Variants in EML2 observed in about 807,000 individuals in gnomAD.
The protein encoded by EML2 is echinoderm microtubule-associated protein-like 2.
A neutral mutation model predicts 84.7 loss-of-function variants in EML2; 59 were observed. The ratio of observed to expected loss-of-function variants is 0.70; its 90% CI spans 0.56 to 0.86. The LOEUF (loss-of-function observed/expected upper bound fraction) is 0.86. Ranked by LOEUF, EML2 falls within the 40% of genes least tolerant of loss-of-function variation. The pLI, the probability that EML2 is intolerant of heterozygous loss-of-function variation, is 0.00. For missense variants in EML2, 818 were observed against 855.6 expected, an observed-to-expected ratio of 0.96 and a Z score of 0.55; for synonymous variants, 352 against 348.9, an observed-to-expected ratio of 1.01 and a Z score of -0.10.
chr19:45,619,209 C>T lies in EML2; in HGVS notation c.1123-18G>A. 3.7e-6 allele frequency: 6 copies of T among 1,605,492 alleles called. No homozygotes were observed. The highest frequency in any genetic ancestry group is 5.1e-6 in the Non-Finnish European group (6 of 1,176,104). ...ACATGGCCCTGGTGGAAAGGGAGGACAGCAGGATGGAGACAGCAGCCCTGG... is the reference window on the plus strand; with the variant it reads ...ACATGGCCCTGGTGGAAAGGGAGGATAGCAGGATGGAGACAGCAGCCCTGG... On this transcript the variant is annotated intron_variant, in intron 11 of 18. Transcript: ENST00000245925.
At chr19:45,630,730 C>T (rs1972933741) in intron 6 of EML2, among the ~76,000 whole-genome samples, 1 of 152,148 alleles carries the variant, frequency 6.6e-6, no homozygotes, top group Admixed American at 6.6e-5. Flanking sequence ...CTGCAGCCAG[C>T]ACCCCTAGCC....
chr19:45,643,186 G>A (rs947709253), upstream of EML2, among the ~76,000 whole-genome samples: 6 of 152,092 alleles, frequency 3.9e-5, no homozygotes, highest in African/African-American at 1.4e-4. Context: ...CTGTTTCTAA[G>A]ACTTTCCAAG....
chr19:45,630,914 G>A (rs375588775), intron 6 of EML2, among the ~76,000 whole-genome samples: 2 of 152,256 alleles, frequency 1.3e-5, no homozygotes, highest in East Asian at 1.9e-4. Flanking sequence ...GAATGCAGTT[G>A]CATGATCTTG....
At chr19:45,627,514 T>TA (rs1972510553) in intron 7 of EML2, among the ~76,000 whole-genome samples, 1 of 151,940 alleles carries the variant, frequency 6.6e-6, no homozygotes, top group Non-Finnish European at 1.5e-5. Flanking sequence ...CTCAGCCTCC[T>TA]AAAGTGCTGG....
At chr19:45,619,783 G>GGT (rs1309965730) in intron 11 of EML2, among the ~76,000 whole-genome samples, 1 of 152,190 alleles carries the variant, frequency 6.6e-6, no homozygotes, top group East Asian at 1.9e-4. Context: ...GGCCAGGTGC[G>GGT]GTGGCTCACG....
intron 13 of EML2, 23 bp downstream of exon 13, chr19:45,617,607 C>T (rs200182275): frequency 7.5e-6 from 12 of 1,608,644 alleles, no homozygotes; most frequent in East Asian, 6.7e-5. Context: ...GAAGGCCTCC[C>T]GAAATGCTCT....
upstream of EML2, chr19:45,642,019 A>T: frequency 6.9e-7 from 1 of 1,443,014 alleles, no homozygotes; most frequent in Admixed American, 2.8e-5. Flanking sequence ...TCCTGGTGGG[A>T]AGGCCTTTCA....
intron 3 of EML2, among the ~76,000 whole-genome samples, chr19:45,634,861 C>A (rs1568481177): frequency 6.7e-6 from 1 of 149,754 alleles, no homozygotes; most frequent in Non-Finnish European, 1.5e-5. Context: ...TTTATTTTTT[C>A]TTTTTTTTGA....
At chr19:45,623,184 C>T (rs1971921267) in intron 9 of EML2, among the ~76,000 whole-genome samples, 1 of 151,456 alleles carries the variant, frequency 6.6e-6, no homozygotes, top group South Asian at 2.1e-4. Flanking sequence ...ACGGTGAAAC[C>T]CCGTCTCTAC....
upstream of EML2, chr19:45,641,674 G>GATGT: frequency 6.5e-7 from 1 of 1,536,186 alleles, no homozygotes; most frequent in East Asian, 2.4e-5. Context: ...GCTGCTGGAG[G>GATGT]ATGTGGTCCG....
intron 13 of EML2, among the ~76,000 whole-genome samples, chr19:45,617,353 C>T (rs1384367389): frequency 1.3e-5 from 2 of 151,224 alleles, no homozygotes; most frequent in African/African-American, 2.4e-5. Flanking sequence ...GTCAGGAGTT[C>T]GAGACCAGCC....
At chr19:45,616,330 A>G (rs934974853) in intron 15 of EML2, 131 bp downstream of exon 15, 22 of 676,354 alleles carry the variant, frequency 3.3e-5, no homozygotes, top group South Asian at 1.9e-4. Context: ...GGACGTGGCC[A>G]AGACTCCTTG....
At chr19:45,611,411 CA>C (rs912956135) in intron 18 of EML2, among the ~76,000 whole-genome samples, 147 of 144,204 alleles carry the variant, frequency 1.0e-3, no homozygotes, top group African/African-American at 1.8e-3. Flanking sequence ...AACTCTGTCT[CA>C]AAAAAAAAAA....
intron 3 of EML2, among the ~76,000 whole-genome samples, chr19:45,637,780 G>C (rs541278211): frequency 1.2e-3 from 172 of 146,038 alleles, no homozygotes; most frequent in African/African-American, 4.3e-3. Flanking sequence ...GGGTTCAAGC[G>C]ATTCTCCTGT....
Position 45,616,758 on chromosome 19 carries a change from C to T in EML2, c.1411+7G>A, listed in dbSNP as rs540793608. Reference sequence around the variant, plus strand: ...TGCCGCTTGGGTGTCCCAGGCCTGCCGCTTACCTGGGGAGAAGCTGACCAC... The same window carrying T: ...TGCCGCTTGGGTGTCCCAGGCCTGCTGCTTACCTGGGGAGAAGCTGACCAC... On this transcript the variant is annotated splice_region_variant and intron_variant, in intron 14 of 18. Transcript: ENST00000245925. The T allele has an allele frequency of 1.2e-5, 19 of 1,611,612 alleles. No homozygotes were observed. Among genetic ancestry groups the T allele is most frequent in the Non-Finnish European group, 1.4e-5 (16 of 1,178,880 alleles).
chr19:45,616,597 G>C (rs746944133), intron 14 of EML2, 39 bp from the exon 15 acceptor site: 1 of 1,533,322 alleles, frequency 6.5e-7, no homozygotes, highest in Non-Finnish European at 9.0e-7. Flanking sequence ...AGGCACCCAG[G>C]CTCCATCCCC....
chr19:45,613,335 C>G (rs1970683120), intron 18 of EML2, among the ~76,000 whole-genome samples: 1 of 152,144 alleles, frequency 6.6e-6, no homozygotes, highest in Non-Finnish European at 1.5e-5. Flanking sequence ...CTCAGAACTT[C>G]AGAGAACCAG....
intron 18 of EML2, among the ~76,000 whole-genome samples, chr19:45,612,112 T>C (rs1970561750): frequency 6.6e-6 from 1 of 152,044 alleles, no homozygotes; most frequent in East Asian, 1.9e-4. Flanking sequence ...TGTTGCTTAG[T>C]GGAGTGCAGT....
At position 45,629,847 on chromosome 19, in the gene EML2, C is replaced by CA. The variant is rs1352871794; in HGVS notation, c.606+103dup. On this transcript the variant is annotated intron_variant, in intron 7 of 18. Transcript: ENST00000245925. ...TCACACAGCCAGCAAGGAGTAAAGC[C>CA]AGGGCTTAAACACGGGTCTATCTGA... 4.4e-6 allele frequency: 4 copies of CA among 908,348 alleles called. No individual in the cohort carries two copies. In the African/African-American group the frequency reaches 6.5e-5, roughly 15 times the overall value. 56.3% of individuals were successfully genotyped at this position (908,348 alleles called of 1,614,324 possible).
Sources: allele counts gnomAD v4.1 joint callset (sites outside exome capture counted in the v4.1 genomes callset), GRCh38; gene constraint gnomAD v4.1.1; transcripts MANE v1.5; gene names NCBI Gene and HGNC (gene_info 2026-07-23, HGNC 2026-07-21).